Variants in ATP2C1 observed in about 807,000 individuals in gnomAD.
ATP2C1 encodes the protein ATPase secretory pathway Ca2+ transporting 1, also known as calcium-transporting ATPase type 2C member 1.
ATP2C1 carries 31 observed loss-of-function variants against 120.5 expected under a neutral mutation model. The observed-to-expected ratio is 0.26, with a 90% CI of 0.19 to 0.35. The LOEUF (loss-of-function observed/expected upper bound fraction) is 0.35. ATP2C1 is among the 10% of genes least tolerant of loss of function. The pLI is 1.00. For synonymous variants in ATP2C1, 351 were observed against 358.7 expected (o/e 0.98, Z 0.24); for missense variants, 731 against 1,107.5 (o/e 0.66, Z 4.83).
intron 2 of ATP2C1, among the ~76,000 whole-genome samples, chr3:130,913,080 A>C (rs1308633332): frequency 1.7e-5 from 2 of 120,040 alleles, no homozygotes; most frequent in African/African-American, 6.5e-5. Context: ...AGGAAGGGGA[A>C]TATCACACTC....
intron 4 of ATP2C1, among the ~76,000 whole-genome samples, chr3:130,932,406 C>T (rs2059488951): frequency 6.6e-6 from 1 of 151,996 alleles, no homozygotes; most frequent in Non-Finnish European, 1.5e-5. Context: ...TGATATCAAA[C>T]CTACACTATT....
intron 18 of ATP2C1, among the ~76,000 whole-genome samples, chr3:130,978,125 C>G (rs61247360): frequency 0.059 from 8,940 of 152,148 alleles, 845 homozygotes; most frequent in African/African-American, 0.2. Context: ...TGTCACTGTC[C>G]CCTTCTGTTA....
Position 130,894,950 on chromosome 3 carries a change from G to A in ATP2C1, c.6+175G>A, listed in dbSNP as rs1335777265. Among the ~76,000 whole-genome samples, 2 of 152,084 alleles carry A rather than the reference G, an allele frequency of 1.3e-5. No individual in the cohort carries two copies. Among genetic ancestry groups the A allele is most frequent in the African/African-American group, 4.8e-5 (2 of 41,400 alleles). ...ATCCAGCTTTTATTTTGGTAACATG[G>A]GGCATTTGAGAGATTGAGGTTCTGT... is the stretch of plus-strand genomic sequence containing the variant. On this transcript the variant is annotated intron_variant, in intron 2 of 27. Transcript: ENST00000510168. The surrounding 1 kb of genome is among the most constrained non-coding windows in gnomAD (Gnocchi z 4.5).
intron 8 of ATP2C1, among the ~76,000 whole-genome samples, chr3:130,943,159 G>T (rs140651911): frequency 6.6e-5 from 10 of 152,334 alleles, no homozygotes; most frequent in African/African-American, 2.2e-4. Flanking sequence ...AAACCTGTCA[G>T]TATAGATTAG....
rs1010727148 is a variant in ATP2C1, at chr3:130,957,544, G to C, written c.832+1365G>C. Among the ~76,000 whole-genome samples, 5 of 152,096 alleles carry C rather than the reference G, an allele frequency of 3.3e-5. No homozygotes were observed. In the East Asian group the frequency reaches 9.7e-4, roughly 29 times the overall value. On this transcript the variant is annotated intron_variant, in intron 11 of 27. Transcript: ENST00000510168. Reference sequence around the variant, plus strand: ...CAGCTAGTTTAGTATTTCAAAGTCAGTAATACAATTTTTTTATTTGAGATG... The same window carrying C: ...CAGCTAGTTTAGTATTTCAAAGTCACTAATACAATTTTTTTATTTGAGATG...
chr3:130,914,023 C>G (rs1471394726), intron 2 of ATP2C1, among the ~76,000 whole-genome samples: 2 of 152,076 alleles, frequency 1.3e-5, no homozygotes, highest in South Asian at 2.1e-4. Context: ...AGCACTGGTA[C>G]TTAGCAGCTT....
chr3:130,961,385 T>C (rs953819465), intron 12 of ATP2C1, among the ~76,000 whole-genome samples: 4 of 152,048 alleles, frequency 2.6e-5, no homozygotes, highest in African/African-American at 7.2e-5. Context: ...CAATTCTGTT[T>C]TGCAGTATGG....
intron 12 of ATP2C1, among the ~76,000 whole-genome samples, chr3:130,962,141 T>C (rs2060848762): frequency 6.6e-6 from 1 of 152,074 alleles, no homozygotes; most frequent in African/African-American, 2.4e-5. Context: ...ATTGACTTCA[T>C]ACTGCTTTTA....
chr3:130,972,487 A>T (rs563450595), intron 17 of ATP2C1, among the ~76,000 whole-genome samples: 3,897 of 130,184 alleles, frequency 0.03, 186 homozygotes, highest in African/African-American at 0.11. Context: ...TTTTTTTTTT[A>T]TATACTTTAA....
chr3:130,891,671 T>A (rs553497004), upstream of ATP2C1, among the ~76,000 whole-genome samples: 25 of 152,336 alleles, frequency 1.6e-4, 1 homozygote, highest in Non-Finnish European at 3.2e-4. Flanking sequence ...TCTATAATAA[T>A]CTTATACTTC....
chr3:130,995,669 C>A (rs2062582304), intron 22 of ATP2C1, among the ~76,000 whole-genome samples: 1 of 152,182 alleles, frequency 6.6e-6, no homozygotes, highest in Non-Finnish European at 1.5e-5. Context: ...TTGAGTCAGT[C>A]TCACTTTGTT....
intron 1 of ATP2C1, among the ~76,000 whole-genome samples, chr3:130,884,930 C>CTTTTTTTT (rs35931105): frequency 4.1e-5 from 5 of 120,858 alleles, no homozygotes; most frequent in East Asian, 2.4e-4. Context: ...TCTTTTCTTT[C>CTTTTTTTT]TTTTTTTTTT....
chr3:131,002,315 A>G lies in ATP2C1; in HGVS notation c.*965A>G. The G allele has an allele frequency of 6.1e-6, 6 of 984,020 alleles. No homozygotes were observed. The highest frequency in any genetic ancestry group is 7.2e-6 in the Non-Finnish European group (6 of 828,648). The allele number at this position is 984,020 out of a possible 1,614,324, so 61.0% of individuals were successfully genotyped here. ...ATGTTTTTAATCATATTTCTTAGGA[A>G]GTATAGGCTACTGGACTTAGAATAA... On this transcript the variant is annotated 3_prime_UTR_variant, in exon 28 of 28. Coordinates refer to ENST00000510168, the MANE Select transcript of ATP2C1 (RefSeq NM_001378687.1).
At chr3:130,957,989 C>G (rs927118492) in intron 11 of ATP2C1, among the ~76,000 whole-genome samples, 1 of 152,156 alleles carries the variant, frequency 6.6e-6, no homozygotes, top group East Asian at 1.9e-4. Context: ...TGTATGCCCT[C>G]ATAACTTCTT....
At chr3:130,939,187 T>TATC (rs1576798814) in intron 6 of ATP2C1, among the ~76,000 whole-genome samples, 1 of 152,346 alleles carries the variant, frequency 6.6e-6, no homozygotes, top group East Asian at 1.9e-4. Context: ...CAGTTGAACT[T>TATC]ATCATAATGC....
chr3:130,887,770 A>G (rs1055219166), intron 1 of ATP2C1, among the ~76,000 whole-genome samples: 12 of 152,204 alleles, frequency 7.9e-5, no homozygotes, highest in Admixed American at 7.9e-4. Flanking sequence ...ATGCCATCCA[A>G]GAGGTTAGGC....
In ATP2C1 at chr3:130,985,355, G is replaced by A. The variant is rs937766659; in HGVS notation, c.1839+4676G>A. Among the ~76,000 whole-genome samples the A allele has an allele frequency of 1.1e-4, 16 of 152,086 alleles. 1 individual carries two copies. The highest frequency in any genetic ancestry group is 3.4e-4 in the African/African-American group (14 of 41,404). On this transcript the variant is annotated intron_variant, in intron 20 of 27. Transcript: ENST00000510168. Reference sequence around the variant, plus strand: ...AACTAAAAAAAGAAAAATAATGGCCGGGTGTGGTGGCTCACAGCTGTAATC... The same window carrying A: ...AACTAAAAAAAGAAAAATAATGGCCAGGTGTGGTGGCTCACAGCTGTAATC...
chr3:130,942,041 G>A lies in ATP2C1; in HGVS notation c.531+342G>A, dbSNP rs183371296. Among the ~76,000 whole-genome samples the A allele has an allele frequency of 3.6e-3, 545 of 152,280 alleles. 1 individual carries two copies. Among genetic ancestry groups the A allele is most frequent in the Non-Finnish European group, 5.1e-3 (347 of 68,014 alleles). ...AAAATAGAACTCAGTAATTGAGTAA[G>A]AGAAGTTCAAAGAATAGGATATAGA... On this transcript the variant is annotated intron_variant, in intron 8 of 27. Coordinates refer to ENST00000510168, the MANE Select transcript of ATP2C1 (RefSeq NM_001378687.1).
At chr3:130,988,358 A>T (rs2062126067) in intron 20 of ATP2C1, among the ~76,000 whole-genome samples, 1 of 152,126 alleles carries the variant, frequency 6.6e-6, no homozygotes, top group Admixed American at 6.5e-5. Context: ...GAAAAGGAGG[A>T]CTCATAAGAA....
Sources: allele counts gnomAD v4.1 joint callset (sites outside exome capture counted in the v4.1 genomes callset), GRCh38; gene constraint gnomAD v4.1.1; non-coding constraint Gnocchi (gnomAD v3.1); transcripts MANE v1.5; gene names NCBI Gene and HGNC (gene_info 2026-07-23, HGNC 2026-07-21).